TMEM14A: variants seen among roughly 807,000 people sequenced by gnomAD.
TMEM14A encodes transmembrane protein 14A.
Under a neutral mutation model 11.6 loss-of-function variants are expected in TMEM14A, and 8 were observed. That is an observed-to-expected ratio of 0.69 (90% CI 0.40 to 1.24). The LOEUF is 1.24. Among genes scored for constraint, TMEM14A ranks in the 50% most tolerant of loss-of-function variants. The pLI is 0.01. For synonymous variants in TMEM14A, 34 were observed against 45.5 expected, an observed-to-expected ratio of 0.75 and a Z score of 1.02; for missense variants, 108 against 121.9, an observed-to-expected ratio of 0.89 and a Z score of 0.54.
chr6:52,674,350 T>A (rs1382803712), intron 1 of TMEM14A, among the ~76,000 whole-genome samples: 1 of 152,212 alleles, frequency 6.6e-6, no homozygotes, highest in Non-Finnish European at 1.5e-5. Context: ...GTTCGCTTTT[T>A]TTCAGCAGCT....
chr6:52,680,647 A>G (rs1459543854), intron 2 of TMEM14A, among the ~76,000 whole-genome samples: 1 of 96,330 alleles, frequency 1.0e-5, no homozygotes, highest in African/African-American at 3.5e-5. Flanking sequence ...GTGTGTATAT[A>G]TATGTGTGTG....
intron 1 of TMEM14A, among the ~76,000 whole-genome samples, chr6:52,674,268 A>G (rs16882853): frequency 0.011 from 1,606 of 152,350 alleles, 17 homozygotes; most frequent in African/African-American, 0.036. Context: ...CCCTGTGGTC[A>G]CAACTTTAAG....
chr6:52,676,140 T>C (rs753705860), intron 1 of TMEM14A, among the ~76,000 whole-genome samples: 1 of 151,886 alleles, frequency 6.6e-6, no homozygotes, highest in Non-Finnish European at 1.5e-5. Flanking sequence ...CAGCTGAGAG[T>C]ATGGCAGATC....
intron 3 of TMEM14A, 83 bp downstream of exon 3, chr6:52,681,997 C>T (rs1769400524): frequency 8.9e-7 from 1 of 1,128,178 alleles, no homozygotes; most frequent in African/African-American, 1.5e-5. Context: ...TATACTAGAA[C>T]ATATTTAGTC....
At chr6:52,671,438 C>T (rs1376828550) in intron 1 of TMEM14A, among the ~76,000 whole-genome samples, 193 bp downstream of exon 1, 1 of 152,126 alleles carries the variant, frequency 6.6e-6, no homozygotes. Flanking sequence ...TTTTCTCCTC[C>T]TCCCGAGTTT....
In TMEM14A at chr6:52,681,999, T is replaced by C. The variant is rs546688959; in HGVS notation, c.172+85T>C. 68 of 1,137,710 alleles carry C rather than the reference T, an allele frequency of 6.0e-5. 1 individual carries two copies. The South Asian group carries it at 9.3e-4, about 16-fold the overall frequency. The allele number at this position is 1,137,710 out of a possible 1,614,324, so 70.5% of individuals were successfully genotyped here. On this transcript the variant is annotated intron_variant, in intron 3 of 4. Coordinates refer to ENST00000211314, the MANE Select transcript of TMEM14A (RefSeq NM_014051.4). ...ACCCTATGCTAGATATACTAGAACA[T>C]ATTTAGTCAAATGGCAAATGGCCAT...
intron 2 of TMEM14A, among the ~76,000 whole-genome samples, chr6:52,680,706 C>CATATATGTATATATAT (rs1397954310): frequency 8.2e-5 from 2 of 24,488 alleles, no homozygotes; most frequent in Admixed American, 2.9e-4. Flanking sequence ...TATATATATA[C>CATATATGTATATATAT]ACATATATAT....
At chr6:52,681,730 C>T in intron 2 of TMEM14A, 83 bp from the exon 3 acceptor site, 1 of 1,184,306 alleles carries the variant, frequency 8.4e-7, no homozygotes, top group South Asian at 1.3e-5. Context: ...TTTGAAGGTG[C>T]CTGTATCATA....
At chr6:52,673,858 C>A (rs987307014) in intron 1 of TMEM14A, among the ~76,000 whole-genome samples, 2 of 152,168 alleles carry the variant, frequency 1.3e-5, no homozygotes, top group African/African-American at 2.4e-5. Context: ...AACTAAATTA[C>A]AAATTCACCC....
chr6:52,677,689 A>G (rs1769285619), intron 2 of TMEM14A, among the ~76,000 whole-genome samples: 1 of 152,144 alleles, frequency 6.6e-6, no homozygotes, highest in African/African-American at 2.4e-5. Flanking sequence ...TTTTACTTTT[A>G]TTTTAGAATC....
At chr6:52,680,665 A>ATACATATATG (rs1352415278) in intron 2 of TMEM14A, among the ~76,000 whole-genome samples, 2 of 47,210 alleles carry the variant, frequency 4.2e-5, no homozygotes, top group Admixed American at 4.0e-4. Context: ...GTGTATATAT[A>ATACATATATG]TGTGTATATA....
At chr6:52,680,697 A>ATATATATATATATGTG (rs1377537651) in intron 2 of TMEM14A, among the ~76,000 whole-genome samples, 5 of 92,238 alleles carry the variant, frequency 5.4e-5, no homozygotes, top group Admixed American at 2.2e-4. Context: ...ATATGTATAT[A>ATATATATATATATGTG]TATATATACA....
At chr6:52,684,859 T>C (rs1769463741) in intron 4 of TMEM14A, among the ~76,000 whole-genome samples, 1 of 152,218 alleles carries the variant, frequency 6.6e-6, no homozygotes, top group Non-Finnish European at 1.5e-5. Flanking sequence ...TTATTTCTAG[T>C]GAAAACACAA....
At chr6:52,680,704 T>TATATATATACATACACAC (rs371102796) in intron 2 of TMEM14A, among the ~76,000 whole-genome samples, 2 of 51,108 alleles carry the variant, frequency 3.9e-5, no homozygotes, top group Admixed American at 2.1e-4. Flanking sequence ...TATATATATA[T>TATATATATACATACACAC]ACACATATAT....
chr6:52,680,704 T>TACACACAC (rs1554137484), intron 2 of TMEM14A, among the ~76,000 whole-genome samples: 6 of 51,106 alleles, frequency 1.2e-4, no homozygotes, highest in Admixed American at 2.1e-4. Flanking sequence ...TATATATATA[T>TACACACAC]ACACATATAT....
At chr6:52,683,660 G>A (rs1238018267) in intron 3 of TMEM14A, among the ~76,000 whole-genome samples, 1 of 151,750 alleles carries the variant, frequency 6.6e-6, no homozygotes, top group East Asian at 1.9e-4. Flanking sequence ...TGCTCAGTCT[G>A]GAGTGCAGTG....
intron 2 of TMEM14A, among the ~76,000 whole-genome samples, chr6:52,680,681 A>ACATGTATGTGTG: frequency 1.2e-5 from 1 of 80,446 alleles, no homozygotes. Context: ...ATATATATAT[A>ACATGTATGTGTG]TACATATATG....
intron 4 of TMEM14A, among the ~76,000 whole-genome samples, chr6:52,684,648 T>G (rs1253047529): frequency 6.6e-6 from 1 of 152,242 alleles, no homozygotes. Flanking sequence ...TTCTCTTAAT[T>G]TGATCCAGTA....
intron 3 of TMEM14A, among the ~76,000 whole-genome samples, chr6:52,682,182 G>C (rs955172048): frequency 6.6e-6 from 1 of 152,190 alleles, no homozygotes; most frequent in Non-Finnish European, 1.5e-5. Context: ...ATTATTTTCA[G>C]ATTTTCTGCT....
Sources: allele counts gnomAD v4.1 joint callset (sites outside exome capture counted in the v4.1 genomes callset), GRCh38; gene constraint gnomAD v4.1.1; transcripts MANE v1.5; gene names NCBI Gene and HGNC (gene_info 2026-07-23, HGNC 2026-07-21).